Variants in CASC3 observed in about 807,000 individuals in gnomAD.
The protein encoded by CASC3 is CASC3 exon junction complex subunit.
A neutral mutation model predicts 80.5 loss-of-function variants in CASC3; 30 were observed. The ratio of observed to expected loss-of-function variants is 0.37; its 90% confidence interval spans 0.28 to 0.51. The LOEUF (loss-of-function observed/expected upper bound fraction) is 0.51, where lower values mean the gene tolerates loss of function less well. Ranked by LOEUF, CASC3 falls within the 20% of genes least tolerant of loss-of-function variation. The pLI, the probability that CASC3 is intolerant of heterozygous loss-of-function variation, is 0.94. For missense variants in CASC3, 824 were observed against 922.2 expected (o/e 0.89, Z 1.38); for synonymous variants, 312 against 333.6 (o/e 0.94, Z 0.70).
At chr17:40,145,058 A>G (rs1422757307) in intron 3 of CASC3, among the ~76,000 whole-genome samples, 1 of 151,338 alleles carries the variant, frequency 6.6e-6, no homozygotes, top group African/African-American at 2.4e-5. Flanking sequence ...ATGGGGTTTC[A>G]CCATGTTGGT....
At chr17:40,141,078 A>AT in intron 1 of CASC3, 129 bp from the exon 2 acceptor site, 2 of 878,778 alleles carry the variant, frequency 2.3e-6, no homozygotes, top group Non-Finnish European at 3.8e-6. Flanking sequence ...CTTGATAAAG[A>AT]TTTACCTATC....
rs1357165841 is a variant in CASC3, at chr17:40,162,750, T to C, written c.634T>C (p.Trp212Arg). The C allele has an allele frequency of 6.2e-7, 1 of 1,614,018 alleles. No individual in the cohort carries two copies. ...ACCCAAGGGGCGTCAGCGAAAGCTA[T>C]GGAAGGATGAGGGTCGCTGGGAGCA... Reference protein sequence around the residue: ...VRPKGRQRKLWKDEGRWEHDK... With the variant: ...VRPKGRQRKLRKDEGRWEHDK... Residue 212 changes from tryptophan to arginine, a missense_variant, in exon 6 of 14, where the codon TGG becomes CGG. Trp to Arg is a moderately radical substitution (Grantham distance 101). This residue lies in a region of CASC3 where 201 missense variants were observed against 294.1 expected (regional missense o/e 0.68). Coordinates refer to ENST00000264645, the MANE Select transcript of CASC3 (RefSeq NM_007359.5).
At chr17:40,165,581 T>G (rs1989427646) in intron 7 of CASC3, among the ~76,000 whole-genome samples, 1 of 152,130 alleles carries the variant, frequency 6.6e-6, no homozygotes, top group Non-Finnish European at 1.5e-5. Flanking sequence ...TGGTTAAATA[T>G]TTGAAGGCAG....
chr17:40,163,424 C>G, intron 6 of CASC3, 57 bp from the exon 7 acceptor site: 2 of 1,472,668 alleles, frequency 1.4e-6, no homozygotes, highest in Non-Finnish European at 9.2e-7. Flanking sequence ...CCTGAGCCAC[C>G]GCGCGTAGCC....
chr17:40,162,819 G>A lies in CASC3; in HGVS notation c.703G>A (p.Glu235Lys). ...EDEQAPKSRQ[E>K]LIALYGYDIR... Reference sequence around the variant, plus strand: ...TGAGCAGGCCCCAAAGTCCCGACAGGAGCTCATTGCTCTTTATGGTTATGA... The same window carrying A: ...TGAGCAGGCCCCAAAGTCCCGACAGAAGCTCATTGCTCTTTATGGTTATGA... Residue 235 changes from glutamate to lysine, a missense_variant, in exon 6 of 14, where the codon GAG (glutamate) becomes AAG (lysine). Around this residue, in one of 3 missense-constraint regions of CASC3, gnomAD observed 201 missense variants for 294.1 expected, o/e 0.68. Transcript: ENST00000264645. 1 of 1,614,128 alleles carries A rather than the reference G, an allele frequency of 6.2e-7. No individual in the cohort carries two copies. Among genetic ancestry groups the A allele is most frequent in the Non-Finnish European group, 8.5e-7 (1 of 1,180,016 alleles).
At chr17:40,163,368 C>A in intron 6 of CASC3, 113 bp from the exon 7 acceptor site, 1 of 834,146 alleles carries the variant, frequency 1.2e-6, no homozygotes, top group Non-Finnish European at 1.9e-6. Context: ...CTCCTGGCCT[C>A]AAGTGATCTG....
At chr17:40,159,711 ATTTTTTTTTT>A (rs71152647) in intron 3 of CASC3, among the ~76,000 whole-genome samples, 4 of 93,166 alleles carry the variant, frequency 4.3e-5, no homozygotes, top group East Asian at 2.7e-4. Flanking sequence ...TTCCTGGCGA[ATTTTTTTTTT>A]TTTTTTTTTT....
intron 3 of CASC3, among the ~76,000 whole-genome samples, chr17:40,149,885 C>T (rs1988955364): frequency 2.0e-5 from 3 of 151,206 alleles, no homozygotes; most frequent in Admixed American, 1.3e-4. Context: ...GGCACTTGAG[C>T]CTGGGCGACA....
intron 3 of CASC3, among the ~76,000 whole-genome samples, chr17:40,149,900 G>A (rs567058991): frequency 4.4e-4 from 67 of 151,964 alleles, no homozygotes; most frequent in Non-Finnish European, 8.4e-4. Context: ...GCGACAGAGC[G>A]AGACTCCGTC....
chr17:40,141,321 C>T, intron 2 of CASC3, 87 bp downstream of exon 2: 1 of 1,270,074 alleles, frequency 7.9e-7, no homozygotes, highest in Non-Finnish European at 1.2e-6. Context: ...CATTCTCACA[C>T]ACTGTCACGG....
At chr17:40,145,464 G>T (rs780138259) in intron 3 of CASC3, among the ~76,000 whole-genome samples, 5 of 152,088 alleles carry the variant, frequency 3.3e-5, no homozygotes, top group Non-Finnish European at 7.4e-5. Context: ...GAGCTACTGC[G>T]CCTGGCCCAA....
At position 40,171,934 on chromosome 17, in the gene CASC3, G is replaced by A; in HGVS notation, c.*1529G>A. The A allele has an allele frequency of 2.4e-6, 3 of 1,271,420 alleles. No homozygotes were observed. The highest frequency in any genetic ancestry group is 1.0e-6 in the Non-Finnish European group (1 of 979,120). The allele number at this position is 1,271,420 out of a possible 1,614,324, so 78.8% of individuals were successfully genotyped here. A position where few individuals can be genotyped will look rare whatever the true frequency, so the allele number is the denominator to read the frequency against. On this transcript the variant is annotated 3_prime_UTR_variant, in exon 14 of 14. Transcript: ENST00000264645. ...ATTCTTCTAGGGGTAGCTGGTGGTT[G>A]TGCCTTTTGTAGGCTGTTCCCTTTG...
rs760983348 is a variant in CASC3, at chr17:40,161,710, G to GT, written c.298-41dup. On this transcript the variant is annotated intron_variant, in intron 3 of 13. Transcript: ENST00000264645. The stretch of plus-strand genomic sequence containing the variant: ...GCAGGGGTGGGAATTAAAATGCACC[G>GT]TTCAGATCTTATATGCATCGCTGAC... 3.2e-6 allele frequency: 5 copies of GT among 1,584,878 alleles called. No homozygotes were observed. The South Asian group carries it at 4.5e-5, about 14-fold the overall frequency.
At chr17:40,144,339 C>A (rs573131024) in intron 3 of CASC3, among the ~76,000 whole-genome samples, 2 of 151,316 alleles carry the variant, frequency 1.3e-5, no homozygotes, top group East Asian at 3.9e-4. Flanking sequence ...TAAAAACTTT[C>A]TTTTTCTTTT....
chr17:40,157,622 C>CAG (rs1989186001), intron 3 of CASC3, among the ~76,000 whole-genome samples: 1 of 152,066 alleles, frequency 6.6e-6, no homozygotes, highest in South Asian at 2.1e-4. Flanking sequence ...TTGCAGTGAG[C>CAG]TGAGATCGCG....
chr17:40,144,691 C>G (rs948859327), intron 3 of CASC3, among the ~76,000 whole-genome samples: 6 of 133,184 alleles, frequency 4.5e-5, no homozygotes, highest in African/African-American at 1.7e-4. Context: ...AAAAAAGAGG[C>G]AGGGTCTCAC....
chr17:40,163,768 C>T lies in CASC3; in HGVS notation c.1073C>T (p.Ser358Phe). Residue 358 changes from serine to phenylalanine, a missense_variant, in exon 7 of 14, where the codon TCT (serine) becomes TTT (phenylalanine). Coordinates refer to ENST00000264645, the MANE Select transcript of CASC3 (RefSeq NM_007359.5). ...SYRSRRLEQTSVRDPSPEADA... is the reference protein window; with the variant it reads ...SYRSRRLEQTFVRDPSPEADA... ...CGGTCACGGCGCCTAGAGCAGACTT[C>T]TGTGAGGGATCCATCTCCAGAAGCA... 1.9e-6 allele frequency: 3 copies of T among 1,614,158 alleles called. No homozygotes were observed. Among genetic ancestry groups the T allele is most frequent in the Non-Finnish European group, 2.5e-6 (3 of 1,180,030 alleles).
chr17:40,161,305 T>C (rs1249644383), intron 3 of CASC3, among the ~76,000 whole-genome samples: 1 of 152,128 alleles, frequency 6.6e-6, no homozygotes, highest in Non-Finnish European at 1.5e-5. Flanking sequence ...TCTAGAAATA[T>C]GGGTAAGAAT....
chr17:40,164,300 T>A, intron 7 of CASC3, 134 bp downstream of exon 7: 1 of 827,978 alleles, frequency 1.2e-6, no homozygotes, highest in South Asian at 1.9e-5. Flanking sequence ...GTCTCACTCT[T>A]TTGCCCAGGC....
Sources: allele counts gnomAD v4.1 joint callset (sites outside exome capture counted in the v4.1 genomes callset), GRCh38; gene constraint gnomAD v4.1.1; regional missense constraint gnomAD v4.1.1; transcripts MANE v1.5; gene names NCBI Gene and HGNC (gene_info 2026-07-23, HGNC 2026-07-21).